GLB1: variants seen among roughly 807,000 people sequenced by gnomAD.
GLB1 encodes the protein beta-galactosidase.
A neutral mutation model predicts 74.0 loss-of-function variants in GLB1; 56 were observed. That is an observed-to-expected ratio of 0.76 (90% CI 0.61 to 0.94). The LOEUF is 0.94. Among genes scored for constraint, GLB1 ranks in the 40% least tolerant of loss-of-function variants. The pLI is 0.00. For synonymous variants in GLB1, 323 were observed against 323.6 expected (o/e 1.00, Z 0.02); for missense variants, 787 against 845.5 (o/e 0.93, Z 0.86).
chr3:33,074,346 AAGGAAG>A lies in GLB1; in HGVS notation c.76-1639_76-1634del, dbSNP rs1190880981. Among the ~76,000 whole-genome samples, 9 of 74,592 alleles carry A rather than the reference AAGGAAG, an allele frequency of 1.2e-4. 1 individual carries two copies. Among genetic ancestry groups the A allele is most frequent in the East Asian group, 4.3e-4 (1 of 2,302 alleles). 48.9% of individuals were successfully genotyped at this position (74,592 alleles called of 152,430 possible). A position where few individuals can be genotyped will look rare whatever the true frequency, so the allele number is the denominator to read the frequency against. ...GAAAGAAGGAAGGAAGGAAGGAAGGAAGGAAGGAAGGAAGGAAGGAAGGAAGGAAGG... is the reference window on the plus strand; with the variant it reads ...GAAAGAAGGAAGGAAGGAAGGAAGGAGAAGGAAGGAAGGAAGGAAGGAAGG... On this transcript the variant is annotated intron_variant, in intron 1 of 15. Coordinates refer to ENST00000307363, the MANE Select transcript of GLB1 (RefSeq NM_000404.4).
chr3:33,071,233 G>A (rs555925270), intron 2 of GLB1, among the ~76,000 whole-genome samples: 4 of 152,296 alleles, frequency 2.6e-5, no homozygotes, highest in African/African-American at 4.8e-5. Context: ...ACTCACTGTC[G>A]GAATTATAAA....
Position 33,082,705 on chromosome 3 carries a change from C to T in GLB1, c.76-9992G>A, listed in dbSNP as rs1003895168. Among the ~76,000 whole-genome samples the T allele has an allele frequency of 5.3e-5, 8 of 152,118 alleles. No individual in the cohort carries two copies. The South Asian group carries it at 8.3e-4, about 16-fold the overall frequency. ...CTGATAAAAAGGATTGAAAACAGTT[C>T]GTGAGTGGGCAGGACAGCAGTATAT... On this transcript the variant is annotated intron_variant, in intron 1 of 15. Coordinates refer to ENST00000307363, the MANE Select transcript of GLB1 (RefSeq NM_000404.4).
intron 10 of GLB1, among the ~76,000 whole-genome samples, chr3:33,026,922 C>A (rs1697787869): frequency 6.6e-6 from 1 of 152,236 alleles, no homozygotes; most frequent in Admixed American, 6.5e-5. Context: ...GCTCACCCTC[C>A]ACTTGTCTGT....
the GLB1 span, among the ~76,000 whole-genome samples, chr3:32,985,950 G>C: frequency 2.0e-5 from 3 of 152,202 alleles, no homozygotes; most frequent in African/African-American, 7.2e-5. Flanking sequence ...GACCTCAGGT[G>C]ATCCAGCTGC....
At chr3:32,985,384 G>A in the GLB1 span, among the ~76,000 whole-genome samples, 56 of 152,004 alleles carry the variant, frequency 3.7e-4, no homozygotes, top group African/African-American at 1.2e-3. Flanking sequence ...TCTGCCTCCC[G>A]GGTTCAAGCG....
chr3:33,081,618 T>A (rs1352621191), intron 1 of GLB1, among the ~76,000 whole-genome samples: 1 of 152,164 alleles, frequency 6.6e-6, no homozygotes, highest in Non-Finnish European at 1.5e-5. Flanking sequence ...AGTGGGGCCA[T>A]CCTCTGCAGG....
intron 1 of GLB1, among the ~76,000 whole-genome samples, chr3:33,076,017 C>T (rs1700088865): frequency 6.6e-6 from 1 of 150,734 alleles, no homozygotes; most frequent in Non-Finnish European, 1.5e-5. Context: ...TGCACTCCAG[C>T]CTGGGCGACA....
chr3:32,986,933 T>A, the GLB1 span, among the ~76,000 whole-genome samples: 2 of 152,224 alleles, frequency 1.3e-5, no homozygotes, highest in Non-Finnish European at 2.9e-5. Context: ...ACTGTTCACC[T>A]GACCAACTAT....
rs551743206 is a variant in GLB1, at chr3:32,998,846, G to C, written c.1735-1502C>G. Among the ~76,000 whole-genome samples, 16 of 152,218 alleles carry C rather than the reference G, an allele frequency of 1.1e-4. 1 individual carries two copies. In the South Asian group the frequency reaches 3.3e-3, roughly 32 times the overall value. On this transcript the variant is annotated intron_variant, in intron 15 of 15. Coordinates refer to ENST00000307363, the MANE Select transcript of GLB1 (RefSeq NM_000404.4). ...AACACAACTCTGCTGCTCACCCCAG[G>C]GCTCCTCAGTCTTCTTACGTTTGGG...
intron 10 of GLB1, among the ~76,000 whole-genome samples, chr3:33,039,489 T>C (rs1424133713): frequency 1.3e-5 from 2 of 152,110 alleles, no homozygotes; most frequent in East Asian, 3.9e-4. Context: ...ATCATTGAAA[T>C]TGAGTCTATA....
intron 1 of GLB1, among the ~76,000 whole-genome samples, chr3:33,081,716 A>G (rs2125567796): frequency 6.6e-6 from 1 of 152,362 alleles, no homozygotes; most frequent in Middle Eastern, 3.4e-3. Context: ...GGAAGGCACA[A>G]TTACCACAAC....
chr3:33,035,711 A>G (rs1698246347), intron 10 of GLB1, among the ~76,000 whole-genome samples: 1 of 152,176 alleles, frequency 6.6e-6, no homozygotes, highest in Admixed American at 6.5e-5. Flanking sequence ...CCTCAGAACC[A>G]TAAGTACCAC....
At chr3:33,075,006 CATTTTTAAAAGGGCAAGTGTCA>C (rs1183312004) in intron 1 of GLB1, among the ~76,000 whole-genome samples, 1 of 152,202 alleles carries the variant, frequency 6.6e-6, no homozygotes, top group African/African-American at 2.4e-5. Context: ...AACTAAGAAT[CATTTTTAAAAGGGCAAGTGTCA>C]ATTTAACATC....
At chr3:32,993,626 C>T (rs1197213889), downstream of GLB1, among the ~76,000 whole-genome samples, 1 of 150,916 alleles carries the variant, frequency 6.6e-6, no homozygotes, top group African/African-American at 2.4e-5. Flanking sequence ...CCTCCGCCTC[C>T]CGCTTTCAGG....
downstream of GLB1, among the ~76,000 whole-genome samples, chr3:32,995,192 G>A (rs1229140905): frequency 6.6e-6 from 1 of 152,048 alleles, no homozygotes; most frequent in East Asian, 1.9e-4. Context: ...AAGTGTACAC[G>A]CTGATGAGGC....
chr3:33,059,270 C>T (rs773388492), intron 5 of GLB1, among the ~76,000 whole-genome samples: 3 of 112,742 alleles, frequency 2.7e-5, no homozygotes, highest in South Asian at 5.1e-4. Context: ...CACACACACA[C>T]ACACACACAC....
chr3:33,021,161 T>C (rs1575417319), intron 12 of GLB1: 1 of 217,150 alleles, frequency 4.6e-6, no homozygotes, highest in East Asian at 1.1e-4. Flanking sequence ...TCAAAGAACC[T>C]AGTCTACCAA....
chr3:33,045,714 T>C, intron 10 of GLB1: 1 of 1,110,326 alleles, frequency 9.0e-7, no homozygotes, highest in Admixed American at 4.2e-5. Flanking sequence ...TAATAGGGGC[T>C]ATAGTCTCAA....
chr3:33,068,842 T>G lies in GLB1; in HGVS notation c.374A>C (p.Tyr125Ser), dbSNP rs767916019. ...CACCATTTCCCACTCTGCACAGATG[T>G]AGGGCCCGGGCCTCAGGATAACCAG... ...GLLVILRPGP[Y>S]ICAEWEMGGL... The change falls in exon 3 of 16, where the codon TAC (tyrosine) becomes TCC (serine). Residue 125 changes from tyrosine (Y) to serine (S), a missense_variant. Physicochemically the swap from Tyr to Ser is moderately radical, Grantham distance 144. Coordinates refer to ENST00000307363, the MANE Select transcript of GLB1 (RefSeq NM_000404.4). The G allele has an allele frequency of 6.2e-7, 1 of 1,614,042 alleles. No individual in the cohort carries two copies.
Sources: allele counts gnomAD v4.1 joint callset (sites outside exome capture counted in the v4.1 genomes callset), GRCh38; gene constraint gnomAD v4.1.1; transcripts MANE v1.5; gene names NCBI Gene and HGNC (gene_info 2026-07-23, HGNC 2026-07-21).